Variants in DLC1 observed in about 807,000 individuals in gnomAD.
DLC1 encodes the protein rho GTPase-activating protein 7.
Under a neutral mutation model 140.3 loss-of-function variants are expected in DLC1, and 54 were observed. The observed-to-expected ratio is 0.38, with a 90% CI of 0.31 to 0.48. DLC1 has a LOEUF of 0.48. Among genes scored for constraint, DLC1 ranks in the 20% least tolerant of loss-of-function variants. The probability of loss-of-function intolerance (pLI) is 0.96; values close to 1 mark genes in which losing one functional copy is unlikely to be tolerated. For missense variants in DLC1, 2,536 were observed against 1,907.0 expected (o/e 1.33, Z -6.14); for synonymous variants, 986 against 728.1 (o/e 1.35, Z -5.70).
chr8:13,122,079 C>A (rs1295024136), intron 5 of DLC1, among the ~76,000 whole-genome samples: 1 of 152,158 alleles, frequency 6.6e-6, no homozygotes, highest in East Asian at 1.9e-4. Flanking sequence ...AAGCCTCACC[C>A]CTCCCTGCCC....
intron 1 of DLC1, among the ~76,000 whole-genome samples, chr8:13,578,103 T>A (rs1010249844): frequency 2.1e-4 from 32 of 152,148 alleles, no homozygotes; most frequent in African/African-American, 7.7e-4. Context: ...GTGAACCAAC[T>A]CCCTGGGAGT....
chr8:13,135,077 G>C (rs1180476560), intron 5 of DLC1, among the ~76,000 whole-genome samples: 1 of 152,122 alleles, frequency 6.6e-6, no homozygotes. Context: ...AGCTGCCCAA[G>C]AGCCCACCGT....
At chr8:13,313,229 C>T (rs995147156) in intron 4 of DLC1, among the ~76,000 whole-genome samples, 7 of 152,170 alleles carry the variant, frequency 4.6e-5, no homozygotes, top group African/African-American at 1.4e-4. Context: ...TGAACCTCAT[C>T]CTCGTGTGCC....
intron 2 of DLC1, among the ~76,000 whole-genome samples, chr8:13,406,616 C>T (rs533979598): frequency 2.6e-5 from 4 of 152,062 alleles, no homozygotes; most frequent in African/African-American, 9.7e-5. Flanking sequence ...TTAATTATTT[C>T]TCATATGACA....
intron 5 of DLC1, among the ~76,000 whole-genome samples, chr8:13,262,455 T>G (rs186117806): frequency 1.9e-3 from 289 of 152,212 alleles, no homozygotes; most frequent in African/African-American, 6.2e-3. Flanking sequence ...CAATGATACA[T>G]GGACAACTTA....
At chr8:13,223,620 T>C (rs749499973) in intron 5 of DLC1, among the ~76,000 whole-genome samples, 25 of 152,216 alleles carry the variant, frequency 1.6e-4, no homozygotes, top group Non-Finnish European at 3.4e-4. Flanking sequence ...CATTCCTTTG[T>C]ACACATTTTT....
chr8:13,449,136 T>G (rs1798929762), intron 2 of DLC1, among the ~76,000 whole-genome samples: 1 of 152,172 alleles, frequency 6.6e-6, no homozygotes, highest in Admixed American at 6.5e-5. Flanking sequence ...CATCCTAGTA[T>G]TGTGAAACGA....
intron 5 of DLC1, among the ~76,000 whole-genome samples, chr8:13,251,188 C>T (rs6531032): frequency 0.23 from 35,519 of 152,114 alleles, 4,308 homozygotes; most frequent in South Asian, 0.34. Flanking sequence ...TGGCTTAGGG[C>T]CCCACCCTTA....
intron 2 of DLC1, among the ~76,000 whole-genome samples, chr8:13,415,908 T>C (rs1333214140): frequency 1.3e-5 from 2 of 152,170 alleles, no homozygotes; most frequent in Non-Finnish European, 2.9e-5. Flanking sequence ...CCAACTGATG[T>C]TCTTGTATGT....
intron 4 of DLC1, among the ~76,000 whole-genome samples, chr8:13,337,606 A>G (rs1833859957): frequency 6.6e-6 from 1 of 152,202 alleles, no homozygotes; most frequent in Non-Finnish European, 1.5e-5. Context: ...CAGAGAATTT[A>G]GGAGGATAAG....
At chr8:13,321,682 T>A (rs1729140) in intron 4 of DLC1, among the ~76,000 whole-genome samples, 129,672 of 151,986 alleles carry the variant, frequency 0.85, 55,760 homozygotes, top group East Asian at 0.95. Flanking sequence ...CCATCATACA[T>A]ACCTTGAATC....
At chr8:13,424,314 C>T (rs1838454608) in intron 2 of DLC1, among the ~76,000 whole-genome samples, 1 of 151,974 alleles carries the variant, frequency 6.6e-6, no homozygotes, top group Non-Finnish European at 1.5e-5. Flanking sequence ...CATGGTGAAA[C>T]CCCATCTCTC....
At position 13,296,641 on chromosome 8, in the gene DLC1, C is replaced by G. The variant is rs1278897592; in HGVS notation, c.1348+8628G>C. On this transcript the variant is annotated intron_variant, in intron 5 of 17. Coordinates refer to ENST00000276297, the MANE Select transcript of DLC1 (RefSeq NM_182643.3). ...ACCAAATAAACAGATTGATTCAAAA[C>G]TATTTCTTGAGCACCTACTCTGTGC... 2.6e-5 allele frequency among the ~76,000 whole-genome samples: 4 copies of G among 152,230 alleles called. No individual in the cohort carries two copies. The East Asian group carries it at 7.7e-4, about 29-fold the overall frequency.
At chr8:13,187,034 C>T (rs2117004565) in intron 5 of DLC1, among the ~76,000 whole-genome samples, 1 of 152,302 alleles carries the variant, frequency 6.6e-6, no homozygotes, top group Non-Finnish European at 1.5e-5. Context: ...CCTGATCCTT[C>T]CTCTGGAAGC....
At chr8:13,583,497 A>G (rs1438146532) in intron 1 of DLC1, among the ~76,000 whole-genome samples, 1 of 152,182 alleles carries the variant, frequency 6.6e-6, no homozygotes, top group Non-Finnish European at 1.5e-5. Context: ...CATATCTGCG[A>G]CAACTTCCTG....
At chr8:13,149,935 C>G (rs1456491794) in intron 5 of DLC1, among the ~76,000 whole-genome samples, 1 of 152,188 alleles carries the variant, frequency 6.6e-6, no homozygotes, top group African/African-American at 2.4e-5. Flanking sequence ...TGCTGGTAAC[C>G]ACATACTTTG....
intron 4 of DLC1, among the ~76,000 whole-genome samples, chr8:13,333,548 C>A (rs576203967): frequency 6.6e-6 from 1 of 152,214 alleles, no homozygotes; most frequent in Admixed American, 6.5e-5. Flanking sequence ...TCATGGCTGG[C>A]AAAAATAAAC....
intron 2 of DLC1, among the ~76,000 whole-genome samples, chr8:13,479,155 C>A (rs1047244783): frequency 1.3e-5 from 2 of 152,172 alleles, no homozygotes; most frequent in African/African-American, 4.8e-5. Context: ...TATTTTGTAT[C>A]CCTTCCATCT....
chr8:13,385,492 G>A (rs1836481898), intron 4 of DLC1, among the ~76,000 whole-genome samples: 1 of 152,096 alleles, frequency 6.6e-6, no homozygotes, highest in Admixed American at 6.6e-5. Flanking sequence ...AATGAAGCGA[G>A]TACATAAAGT....
Sources: allele counts gnomAD v4.1 joint callset (sites outside exome capture counted in the v4.1 genomes callset), GRCh38; gene constraint gnomAD v4.1.1; transcripts MANE v1.5; gene names NCBI Gene and HGNC (gene_info 2026-07-23, HGNC 2026-07-21).